Variants in GRM7 observed in about 807,000 individuals in gnomAD.
GRM7 encodes the protein metabotropic glutamate receptor 7.
In GRM7, 35 loss-of-function variants were observed where a neutral mutation model predicts 84.5. The observed-to-expected ratio is 0.41, with a 90% CI of 0.32 to 0.55. The LOEUF is 0.55. GRM7 is among the 20% of genes least tolerant of loss of function. GRM7 has a pLI of 0.19. For synonymous variants in GRM7, 487 were observed against 455.1 expected (o/e 1.07, Z -0.89); for missense variants, 1,003 against 1,194.6 (o/e 0.84, Z 2.36).
chr3:7,396,530 A>C (rs568504005), intron 4 of GRM7, among the ~76,000 whole-genome samples: 1 of 152,216 alleles, frequency 6.6e-6, no homozygotes, highest in Non-Finnish European at 1.5e-5. Context: ...CATGTTTTAT[A>C]TTTTTATTGC....
intron 8 of GRM7, among the ~76,000 whole-genome samples, chr3:7,644,093 T>C (rs1443617188): frequency 1.0e-5 from 1 of 96,134 alleles, no homozygotes. Flanking sequence ...TTGTCATTTA[T>C]CTGCAATTTT....
intron 8 of GRM7, among the ~76,000 whole-genome samples, chr3:7,620,306 T>G (rs912032622): frequency 1.3e-5 from 2 of 152,176 alleles, no homozygotes; most frequent in African/African-American, 4.8e-5. Flanking sequence ...GGAATTTAAT[T>G]TAATGGATTG....
At chr3:7,331,769 A>G (rs936304673) in intron 4 of GRM7, among the ~76,000 whole-genome samples, 1 of 152,150 alleles carries the variant, frequency 6.6e-6, no homozygotes, top group African/African-American at 2.4e-5. Context: ...CGGAGCCTCA[A>G]TTTCCCCCTA....
At chr3:7,400,820 A>G (rs933073025) in intron 4 of GRM7, among the ~76,000 whole-genome samples, 3 of 152,168 alleles carry the variant, frequency 2.0e-5, no homozygotes, top group African/African-American at 7.2e-5. Flanking sequence ...CTTTTTAGCT[A>G]TGAGCCTTTG....
chr3:7,615,214 G>A (rs1684639836), intron 8 of GRM7, among the ~76,000 whole-genome samples: 1 of 152,002 alleles, frequency 6.6e-6, no homozygotes, highest in Non-Finnish European at 1.5e-5. Context: ...CTTAGAGTTT[G>A]TAACACTTTT....
chr3:7,442,779 A>G (rs1464250231), intron 5 of GRM7, among the ~76,000 whole-genome samples: 1 of 152,146 alleles, frequency 6.6e-6, no homozygotes, highest in East Asian at 1.9e-4. Context: ...GAGCATCTGT[A>G]AGACTTGACA....
At chr3:7,626,144 T>C (rs1053574323) in intron 8 of GRM7, among the ~76,000 whole-genome samples, 12 of 152,126 alleles carry the variant, frequency 7.9e-5, no homozygotes, top group Non-Finnish European at 1.2e-4. Flanking sequence ...AACTGGTTCC[T>C]GCAGGCAGCA....
intron 7 of GRM7, among the ~76,000 whole-genome samples, chr3:7,559,539 G>A (rs183232483): frequency 3.9e-5 from 6 of 152,018 alleles, no homozygotes; most frequent in Non-Finnish European, 7.4e-5. Context: ...CCTTCTGAGA[G>A]AATCTTGGTA....
chr3:7,573,220 T>G (rs114766495), intron 7 of GRM7, among the ~76,000 whole-genome samples: 2,122 of 151,806 alleles, frequency 0.014, 34 homozygotes, highest in African/African-American at 0.045. Flanking sequence ...ATCAATTAGA[T>G]AGGACAAATG....
chr3:7,322,254 T>C (rs566879850), intron 4 of GRM7, among the ~76,000 whole-genome samples: 9 of 145,936 alleles, frequency 6.2e-5, no homozygotes, highest in African/African-American at 2.0e-4. Context: ...AACTACTTTA[T>C]TGATATTTCA....
At chr3:7,414,088 A>G (rs1457147548) in intron 4 of GRM7, among the ~76,000 whole-genome samples, 1 of 152,206 alleles carries the variant, frequency 6.6e-6, no homozygotes, top group Non-Finnish European at 1.5e-5. Context: ...ATTTTATGAG[A>G]AAATGTACAT....
At chr3:6,899,198 G>A (rs943451995) in intron 1 of GRM7, among the ~76,000 whole-genome samples, 2 of 152,148 alleles carry the variant, frequency 1.3e-5, no homozygotes, top group African/African-American at 2.4e-5. Flanking sequence ...TACTGTGCTA[G>A]TTCTTTTACA....
intron 7 of GRM7, among the ~76,000 whole-genome samples, chr3:7,485,131 G>C (rs2124942401): frequency 6.6e-6 from 1 of 152,252 alleles, no homozygotes; most frequent in East Asian, 1.9e-4. Flanking sequence ...CTGACACCTT[G>C]ACTATAACCA....
chr3:7,552,473 T>A (rs911564067), intron 7 of GRM7, among the ~76,000 whole-genome samples: 20 of 152,322 alleles, frequency 1.3e-4, no homozygotes, highest in Middle Eastern at 3.4e-3. Context: ...CACATTTCTC[T>A]TCTGCACTGC....
chr3:7,201,466 G>C (rs2125114036), intron 2 of GRM7, among the ~76,000 whole-genome samples: 1 of 152,150 alleles, frequency 6.6e-6, no homozygotes, highest in East Asian at 1.9e-4. Context: ...TCCTGGGTCA[G>C]TCACTCAGTT....
intron 2 of GRM7, among the ~76,000 whole-genome samples, chr3:7,181,204 C>T (rs1489613145): frequency 6.6e-6 from 1 of 152,166 alleles, no homozygotes; most frequent in Non-Finnish European, 1.5e-5. Flanking sequence ...TTTCCATACC[C>T]AATGGCCTTC....
At chr3:6,917,105 T>C (rs1318423285) in intron 1 of GRM7, among the ~76,000 whole-genome samples, 5 of 152,208 alleles carry the variant, frequency 3.3e-5, no homozygotes, top group African/African-American at 1.2e-4. Flanking sequence ...AAAGTCTTTG[T>C]ACCTCAGTTT....
chr3:7,308,168 A>G (rs1700261325), intron 4 of GRM7, among the ~76,000 whole-genome samples: 2 of 152,114 alleles, frequency 1.3e-5, no homozygotes, highest in Admixed American at 6.6e-5. Context: ...GAATGTTCCT[A>G]TTTACAAGAC....
At chr3:7,091,391 G>C (rs1266408677) in intron 1 of GRM7, among the ~76,000 whole-genome samples, 1 of 152,110 alleles carries the variant, frequency 6.6e-6, no homozygotes, top group African/African-American at 2.4e-5. Context: ...TTTGATATAA[G>C]ATGTTTATTG....
Sources: allele counts gnomAD v4.1 joint callset (sites outside exome capture counted in the v4.1 genomes callset), GRCh38; gene constraint gnomAD v4.1.1; transcripts MANE v1.5; gene names NCBI Gene and HGNC (gene_info 2026-07-23, HGNC 2026-07-21).